The following CPQ variants were observed in gnomAD, a reference collection of about 807,000 sequenced individuals.
CPQ encodes carboxypeptidase Q.
In CPQ, 37 loss-of-function variants were observed where a neutral mutation model predicts 45.7. The observed-to-expected ratio is 0.81, with a 90% CI of 0.62 to 1.07. CPQ has a LOEUF of 1.07. Among genes scored for constraint, CPQ ranks in the 50% least tolerant of loss-of-function variants. CPQ has a pLI of 0.00. For synonymous variants in CPQ, 186 were observed against 205.8 expected, an observed-to-expected ratio of 0.90 and a Z score of 0.82; for missense variants, 537 against 572.9, an observed-to-expected ratio of 0.94 and a Z score of 0.64.
intron 4 of CPQ, among the ~76,000 whole-genome samples, chr8:96,902,284 A>C (rs1812521247): frequency 6.6e-6 from 1 of 152,228 alleles, no homozygotes; most frequent in Non-Finnish European, 1.5e-5. Context: ...TATTGTGAAG[A>C]ATGTGCCAAT....
At chr8:97,036,917 G>A (rs1810015714) in intron 6 of CPQ, among the ~76,000 whole-genome samples, 1 of 152,112 alleles carries the variant, frequency 6.6e-6, no homozygotes, top group African/African-American at 2.4e-5. Context: ...ACACTGTTGT[G>A]TTCTGGTAGT....
chr8:96,841,521 T>G (rs977016829), intron 3 of CPQ, among the ~76,000 whole-genome samples: 1 of 152,232 alleles, frequency 6.6e-6, no homozygotes, highest in African/African-American at 2.4e-5. Flanking sequence ...TTGCCCCAGA[T>G]AGTTGAACAG....
chr8:96,849,999 T>A (rs142333017), intron 3 of CPQ, among the ~76,000 whole-genome samples: 5 of 152,274 alleles, frequency 3.3e-5, no homozygotes, highest in African/African-American at 1.2e-4. Context: ...ATCTTTCTTT[T>A]CTTTCAAGTC....
chr8:96,717,040 TATATATATATATATATATATATATA>T, intron 1 of CPQ, among the ~76,000 whole-genome samples: 1 of 38,278 alleles, frequency 2.6e-5, no homozygotes, highest in African/African-American at 6.4e-5. Flanking sequence ...TATATATATA[TATATATATATATATATATATATATA>T]TATATATATA....
At chr8:96,687,622 C>G (rs886446052) in intron 1 of CPQ, among the ~76,000 whole-genome samples, 1 of 151,378 alleles carries the variant, frequency 6.6e-6, no homozygotes, top group Non-Finnish European at 1.5e-5. Context: ...TTATCTCTTT[C>G]ATTCTTTCTT....
intron 1 of CPQ, among the ~76,000 whole-genome samples, chr8:96,746,078 C>G (rs1810175635): frequency 6.6e-6 from 1 of 152,170 alleles, no homozygotes. Context: ...GCCTCCTTAA[C>G]TCACTGCAGT....
chr8:96,718,601 G>A (rs989736963), intron 1 of CPQ, among the ~76,000 whole-genome samples: 2 of 152,160 alleles, frequency 1.3e-5, no homozygotes, highest in Non-Finnish European at 2.9e-5. Flanking sequence ...AAAGAACAAA[G>A]CTTCCACAGC....
At chr8:96,810,920 T>C (rs996577067) in intron 2 of CPQ, among the ~76,000 whole-genome samples, 3 of 152,206 alleles carry the variant, frequency 2.0e-5, no homozygotes, top group African/African-American at 7.2e-5. Context: ...CTAGAAATGT[T>C]AAAATGGCAA....
At position 96,910,000 on chromosome 8, in the gene CPQ, G is replaced by A. The variant is rs549147138; in HGVS notation, c.849+29995G>A. 9.8e-4 allele frequency among the ~76,000 whole-genome samples: 149 copies of A among 152,238 alleles called. 1 individual carries two copies. Among genetic ancestry groups the A allele is most frequent in the African/African-American group, 3.4e-3 (142 of 41,540 alleles). On this transcript the variant is annotated intron_variant, in intron 4 of 7. Transcript: ENST00000220763. The stretch of plus-strand genomic sequence containing the variant: ...ACGGGATTTGGAGTCAGCAGAACAG[G>A]TTTGATTCTGAAGCCACCACCATGG...
At chr8:96,777,744 ATATATATATATATATATTTTTTTTTTT>A (rs1810627701) in intron 1 of CPQ, among the ~76,000 whole-genome samples, 5 of 23,780 alleles carry the variant, frequency 2.1e-4, no homozygotes, top group African/African-American at 3.3e-4. Context: ...ATATATATAT[ATATATATATATATATATTTTTTTTTTT>A]TTTTTTTTTT....
chr8:96,772,947 T>C (rs1388851015), intron 1 of CPQ, among the ~76,000 whole-genome samples: 1 of 152,142 alleles, frequency 6.6e-6, no homozygotes, highest in African/African-American at 2.4e-5. Flanking sequence ...AAATCCATAA[T>C]AGAATGTTAG....
At chr8:96,739,757 AG>A (rs1810054268) in intron 1 of CPQ, among the ~76,000 whole-genome samples, 1 of 150,996 alleles carries the variant, frequency 6.6e-6, no homozygotes, top group African/African-American at 2.4e-5. Flanking sequence ...GGTTTGTCAA[AG>A]ATCAGATAGT....
At chr8:97,134,296 T>C (rs975203095) in intron 7 of CPQ, among the ~76,000 whole-genome samples, 2 of 152,184 alleles carry the variant, frequency 1.3e-5, no homozygotes, top group Non-Finnish European at 2.9e-5. Flanking sequence ...ACAACAATAA[T>C]AAAACCATGA....
intron 3 of CPQ, among the ~76,000 whole-genome samples, chr8:96,853,369 GAC>G (rs1182102968): frequency 6.6e-6 from 1 of 152,194 alleles, no homozygotes; most frequent in Non-Finnish European, 1.5e-5. Context: ...AACCTTTATA[GAC>G]ACAGATGGAA....
At chr8:96,905,047 A>G (rs953948047) in intron 4 of CPQ, among the ~76,000 whole-genome samples, 1 of 152,134 alleles carries the variant, frequency 6.6e-6, no homozygotes, top group Non-Finnish European at 1.5e-5. Context: ...GGTAATTTAT[A>G]GAGAAAAGAA....
chr8:97,091,098 G>A lies in CPQ; in HGVS notation c.1255+24888G>A, dbSNP rs139365822. Among the ~76,000 whole-genome samples the A allele has an allele frequency of 5.5e-3, 831 of 152,226 alleles. 6 individuals carry two copies. Among genetic ancestry groups the A allele is most frequent in the African/African-American group, 0.019 (783 of 41,532 alleles). On this transcript the variant is annotated intron_variant, in intron 7 of 7. Coordinates refer to ENST00000220763, the MANE Select transcript of CPQ (RefSeq NM_016134.4). Reference sequence around the variant, plus strand: ...AGGAGGATTGAGATTTTGTGTAGAGGAGAGTTTGGTAAGAGTCCAAGAAAG... The same window carrying A: ...AGGAGGATTGAGATTTTGTGTAGAGAAGAGTTTGGTAAGAGTCCAAGAAAG...
chr8:97,142,425 T>A (rs1287840359), intron 7 of CPQ, among the ~76,000 whole-genome samples: 1 of 152,168 alleles, frequency 6.6e-6, no homozygotes, highest in Admixed American at 6.5e-5. Context: ...TTGCTGGGGA[T>A]GTTATAACTC....
chr8:96,785,861 A>G (rs1810761816), intron 2 of CPQ, among the ~76,000 whole-genome samples: 1 of 152,186 alleles, frequency 6.6e-6, no homozygotes. Flanking sequence ...GTAAATGCCC[A>G]GATCAGGGAT....
chr8:96,997,353 A>G (rs771787850), intron 5 of CPQ, among the ~76,000 whole-genome samples: 1 of 151,952 alleles, frequency 6.6e-6, no homozygotes, highest in East Asian at 1.9e-4. Flanking sequence ...TTTAATTTTC[A>G]TCTGATTTTG....
Sources: gnomAD v4.1 joint callset for allele counts (sites outside exome capture counted in the v4.1 genomes callset) on GRCh38, gnomAD v4.1.1 for gene constraint, MANE v1.5 for transcripts, NCBI Gene and HGNC (gene_info 2026-07-23, HGNC 2026-07-21) for gene names.